The following PHACTR1 variants were observed in gnomAD, a reference collection of about 807,000 sequenced individuals.
The protein encoded by PHACTR1 is phosphatase and actin regulator 1.
A neutral mutation model predicts 69.2 loss-of-function variants in PHACTR1; 16 were observed. The observed-to-expected ratio is 0.23, with a 90% CI of 0.16 to 0.35. The LOEUF is 0.35. Among genes scored for constraint, PHACTR1 ranks in the 10% least tolerant of loss-of-function variants. PHACTR1 has a pLI of 1.00. For missense variants in PHACTR1, 510 were observed against 734.7 expected (o/e 0.69, Z 3.54); for synonymous variants, 312 against 284.5 (o/e 1.10, Z -0.97).
At chr6:12,926,357 C>T (rs1464256105) in intron 4 of PHACTR1, among the ~76,000 whole-genome samples, 3 of 152,204 alleles carry the variant, frequency 2.0e-5, no homozygotes, top group Non-Finnish European at 4.4e-5. Context: ...CTTCTGGTTA[C>T]ATACCCTCTC....
rs188413497 is a variant in PHACTR1, at chr6:12,862,209, T to C, written c.250+112419T>C. ...GACTGTAAAGCAGCCAACCTCAATA[T>C]TCCGTATGAAAACACCAGTATCGGG... is the stretch of plus-strand genomic sequence containing the variant. On this transcript the variant is annotated intron_variant, in intron 4 of 14. Transcript: ENST00000332995. Among the ~76,000 whole-genome samples the C allele has an allele frequency of 1.9e-3, 292 of 152,300 alleles. 3 individuals carry two copies. The highest frequency in any genetic ancestry group is 6.4e-3 in the African/African-American group (267 of 41,566).
chr6:12,809,148 G>A lies in PHACTR1; in HGVS notation c.250+59358G>A, dbSNP rs377069713. 4.2e-3 allele frequency among the ~76,000 whole-genome samples: 642 copies of A among 152,146 alleles called. 5 individuals are homozygous for A. The highest frequency in any genetic ancestry group is 0.015 in the African/African-American group (619 of 41,524). ...AGCCATCCTCTTGCCTCAGCATCCCGAAGTGCTGATGTTACAGGAGTAAGC... is the reference window on the plus strand; with the variant it reads ...AGCCATCCTCTTGCCTCAGCATCCCAAAGTGCTGATGTTACAGGAGTAAGC... On this transcript the variant is annotated intron_variant, in intron 4 of 14. Transcript: ENST00000332995.
At chr6:13,269,649 G>A (rs1777345754) in intron 10 of PHACTR1, among the ~76,000 whole-genome samples, 1 of 152,102 alleles carries the variant, frequency 6.6e-6, no homozygotes, top group Non-Finnish European at 1.5e-5. Flanking sequence ...TGGCCAACAT[G>A]GTGAAACCCT....
intron 4 of PHACTR1, among the ~76,000 whole-genome samples, chr6:12,954,334 C>T (rs184451617): frequency 1.3e-4 from 19 of 151,658 alleles, no homozygotes; most frequent in Non-Finnish European, 1.9e-4. Flanking sequence ...AAGTTTTAAG[C>T]TGAGAAGCTA....
chr6:13,135,056 C>G (rs1398555351), intron 5 of PHACTR1, among the ~76,000 whole-genome samples: 3 of 152,146 alleles, frequency 2.0e-5, no homozygotes, highest in Non-Finnish European at 4.4e-5. Context: ...ATAACTGAGC[C>G]ACTGACTGAG....
chr6:12,737,526 TAC>T (rs1271594903), intron 3 of PHACTR1, among the ~76,000 whole-genome samples: 2 of 152,018 alleles, frequency 1.3e-5, no homozygotes, highest in African/African-American at 4.8e-5. Context: ...TATATATATA[TAC>T]ATCTGATTTT....
intron 4 of PHACTR1, among the ~76,000 whole-genome samples, chr6:12,817,211 T>C (rs912715237): frequency 6.6e-6 from 1 of 152,212 alleles, no homozygotes; most frequent in African/African-American, 2.4e-5. Flanking sequence ...TGGACTTTTT[T>C]TCAAAGGGGA....
intron 4 of PHACTR1, among the ~76,000 whole-genome samples, chr6:13,006,333 C>T (rs1460101465): frequency 6.6e-6 from 1 of 152,116 alleles, no homozygotes; most frequent in Non-Finnish European, 1.5e-5. Context: ...TGCTGAGGGT[C>T]CTCTGAAGAA....
intron 4 of PHACTR1, among the ~76,000 whole-genome samples, chr6:12,751,873 T>G (rs553419044): frequency 1.3e-5 from 2 of 152,352 alleles, no homozygotes; most frequent in African/African-American, 4.8e-5. Flanking sequence ...CAGCCTGGTC[T>G]GTACTGCAGT....
At chr6:13,158,038 C>T (rs1156240790) in intron 5 of PHACTR1, among the ~76,000 whole-genome samples, 14 of 152,096 alleles carry the variant, frequency 9.2e-5, no homozygotes, top group African/African-American at 3.4e-4. Flanking sequence ...TGCGCCACCA[C>T]GCCCAACTAA....
chr6:12,817,679 G>C (rs1200150904), intron 4 of PHACTR1, among the ~76,000 whole-genome samples: 1 of 152,102 alleles, frequency 6.6e-6, no homozygotes, highest in Non-Finnish European at 1.5e-5. Context: ...CAAATCTTTG[G>C]ACCTTTTCAA....
chr6:13,101,314 A>AGCAGAGTC (rs1431042316), intron 5 of PHACTR1, among the ~76,000 whole-genome samples: 1 of 152,222 alleles, frequency 6.6e-6, no homozygotes, highest in Non-Finnish European at 1.5e-5. Flanking sequence ...CATTCATGAG[A>AGCAGAGTC]GCAGAGTCCT....
intron 6 of PHACTR1, among the ~76,000 whole-genome samples, chr6:13,173,264 GT>G (rs1176520000): frequency 6.6e-6 from 1 of 152,126 alleles, no homozygotes; most frequent in African/African-American, 2.4e-5. Flanking sequence ...AACTTAAATC[GT>G]TTTTTGTTTT....
chr6:12,758,018 A>G (rs1767554272), intron 4 of PHACTR1, among the ~76,000 whole-genome samples: 1 of 152,182 alleles, frequency 6.6e-6, no homozygotes, highest in Non-Finnish European at 1.5e-5. Flanking sequence ...AGGCTGAGGC[A>G]GGATAATTGC....
chr6:13,076,139 T>C (rs1810435369), intron 5 of PHACTR1, among the ~76,000 whole-genome samples: 1 of 151,508 alleles, frequency 6.6e-6, no homozygotes, highest in Non-Finnish European at 1.5e-5. Context: ...TTACCTAAGA[T>C]CTCCTTAATG....
At chr6:12,867,714 G>T (rs1379686947) in intron 4 of PHACTR1, among the ~76,000 whole-genome samples, 1 of 152,190 alleles carries the variant, frequency 6.6e-6, no homozygotes, top group Non-Finnish European at 1.5e-5. Context: ...TCAGTATTAA[G>T]AATTTTAAAG....
At chr6:12,966,351 AGATGAG>A (rs1793497219) in intron 4 of PHACTR1, among the ~76,000 whole-genome samples, 1 of 152,236 alleles carries the variant, frequency 6.6e-6, no homozygotes, top group Non-Finnish European at 1.5e-5. Flanking sequence ...CCCATGTTAC[AGATGAG>A]GACAGTGAGG....
intron 4 of PHACTR1, among the ~76,000 whole-genome samples, chr6:12,877,050 C>T (rs532811570): frequency 1.1e-4 from 16 of 152,192 alleles, no homozygotes; most frequent in South Asian, 2.1e-4. Flanking sequence ...TACTCTTCCA[C>T]GCTGAGGAAA....
intron 10 of PHACTR1, chr6:13,266,689 G>A: frequency 6.6e-6 from 1 of 152,594 alleles, no homozygotes. Context: ...GGAGGAGCAG[G>A]AGCAAGAGGG....
Sources: gnomAD v4.1 joint callset for allele counts (sites outside exome capture counted in the v4.1 genomes callset) on GRCh38, gnomAD v4.1.1 for gene constraint, MANE v1.5 for transcripts, NCBI Gene and HGNC (gene_info 2026-07-23, HGNC 2026-07-21) for gene names.